Variants in MACROD2 observed in about 807,000 individuals in gnomAD.
The protein encoded by MACROD2 is mono-ADP ribosylhydrolase 2, also known as ADP-ribose glycohydrolase MACROD2.
In MACROD2, 36 loss-of-function variants were observed where a neutral mutation model predicts 70.4. The observed-to-expected ratio is 0.51, with a 90% confidence interval of 0.39 to 0.68. The LOEUF (loss-of-function observed/expected upper bound fraction) is 0.68. MACROD2 is among the 30% of genes least tolerant of loss of function. MACROD2 has a pLI of 0.00. For missense variants in MACROD2, 496 were observed against 538.4 expected, an observed-to-expected ratio of 0.92 and a Z score of 0.78; for synonymous variants, 172 against 178.8, an observed-to-expected ratio of 0.96 and a Z score of 0.30.
chr20:14,433,596 AC>A lies in MACROD2; in HGVS notation c.272-59881del, dbSNP rs201017450. ...TGGTCATTCTTATTTAAACAGTGCA[AC>A]CATCTTCATTTGCTAAGTTTCCTGA... is the stretch of plus-strand genomic sequence containing the variant. On this transcript the variant is annotated intron_variant, in intron 3 of 17. Transcript: ENST00000684519. Among the ~76,000 whole-genome samples, 6 of 152,224 alleles carry A rather than the reference AC, an allele frequency of 3.9e-5. No homozygotes were observed. The East Asian group carries it at 1.2e-3, about 29-fold the overall frequency.
chr20:14,304,922 G>T (rs1225540527), intron 3 of MACROD2, among the ~76,000 whole-genome samples: 1 of 152,078 alleles, frequency 6.6e-6, no homozygotes, highest in Non-Finnish European at 1.5e-5. Flanking sequence ...TTGCGCTTGT[G>T]ATTACCTCTG....
chr20:14,970,376 A>C (rs1315180331), intron 5 of MACROD2, among the ~76,000 whole-genome samples: 1 of 152,186 alleles, frequency 6.6e-6, no homozygotes, highest in Non-Finnish European at 1.5e-5. Flanking sequence ...ATGTTAAGTC[A>C]AAATTAACCT....
intron 2 of MACROD2, among the ~76,000 whole-genome samples, chr20:14,064,234 T>A (rs1428770440): frequency 6.6e-6 from 1 of 152,084 alleles, no homozygotes; most frequent in Non-Finnish European, 1.5e-5. Flanking sequence ...CCTATAAAGG[T>A]TTTTGTTCTC....
At chr20:15,748,837 CG>C (rs2146976752) in intron 8 of MACROD2, among the ~76,000 whole-genome samples, 1 of 152,158 alleles carries the variant, frequency 6.6e-6, no homozygotes, top group South Asian at 2.1e-4. Context: ...TTGACAAACA[CG>C]TATATACTGT....
intron 5 of MACROD2, among the ~76,000 whole-genome samples, chr20:14,708,127 CACATACAATACCTAAAACTTGGT>C (rs1469697736): frequency 6.6e-6 from 1 of 152,194 alleles, no homozygotes; most frequent in African/African-American, 2.4e-5. Context: ...TGATGTGTAA[CACATACAATACCTAAAACTTGGT>C]AAGCACTGTT....
chr20:15,616,468 T>C (rs1390819254), intron 8 of MACROD2, among the ~76,000 whole-genome samples: 1 of 152,138 alleles, frequency 6.6e-6, no homozygotes, highest in Non-Finnish European at 1.5e-5. Flanking sequence ...AGAGTTCCTT[T>C]ACATTTGGGC....
chr20:15,244,334 G>C (rs1053085541), intron 6 of MACROD2, among the ~76,000 whole-genome samples: 1 of 152,132 alleles, frequency 6.6e-6, no homozygotes, highest in Non-Finnish European at 1.5e-5. Context: ...TAGAGAAAAA[G>C]TACACTAGCC....
intron 2 of MACROD2, among the ~76,000 whole-genome samples, chr20:14,080,756 A>G (rs79782486): frequency 0.014 from 2,138 of 152,148 alleles, 45 homozygotes; most frequent in African/African-American, 0.048. Context: ...CATTTTCTCA[A>G]TTATTCTAGT....
At chr20:15,923,410 A>G (rs1046760588) in intron 10 of MACROD2, among the ~76,000 whole-genome samples, 1 of 152,176 alleles carries the variant, frequency 6.6e-6, no homozygotes, top group African/African-American at 2.4e-5. Context: ...GGCCCCCATG[A>G]TTCAATTACC....
chr20:14,131,869 C>T (rs112169608), intron 3 of MACROD2, among the ~76,000 whole-genome samples: 6,287 of 152,048 alleles, frequency 0.041, 180 homozygotes, highest in African/African-American at 0.081. Flanking sequence ...CGGTGGCTCA[C>T]GCTTGTAATC....
At chr20:15,592,827 T>G (rs2048696465) in intron 8 of MACROD2, among the ~76,000 whole-genome samples, 1 of 152,196 alleles carries the variant, frequency 6.6e-6, no homozygotes, top group Admixed American at 6.5e-5. Flanking sequence ...ACATCTAAAG[T>G]GTATTTACAG....
At chr20:14,300,537 T>C (rs1423876820) in intron 3 of MACROD2, among the ~76,000 whole-genome samples, 2 of 152,216 alleles carry the variant, frequency 1.3e-5, no homozygotes, top group Admixed American at 1.3e-4. Flanking sequence ...AGCTTTTCAC[T>C]CATGTCTCAC....
At chr20:14,818,769 A>T (rs1176002356) in intron 5 of MACROD2, among the ~76,000 whole-genome samples, 1 of 150,466 alleles carries the variant, frequency 6.6e-6, no homozygotes, top group East Asian at 1.9e-4. Flanking sequence ...TGGAAGCATA[A>T]TAATTTTTCC....
chr20:15,866,946 C>A (rs2064501926), intron 9 of MACROD2, among the ~76,000 whole-genome samples: 1 of 152,088 alleles, frequency 6.6e-6, no homozygotes, highest in African/African-American at 2.4e-5. Flanking sequence ...GTTTGTCAGG[C>A]CTCTAAAAAC....
At chr20:15,314,168 G>A (rs548579823) in intron 6 of MACROD2, among the ~76,000 whole-genome samples, 1 of 152,108 alleles carries the variant, frequency 6.6e-6, no homozygotes, top group African/African-American at 2.4e-5. Context: ...TCAAGGGCCT[G>A]TTGCTTTTGG....
At chr20:15,768,222 A>G (rs1196814688) in intron 8 of MACROD2, among the ~76,000 whole-genome samples, 2 of 152,100 alleles carry the variant, frequency 1.3e-5, no homozygotes, top group East Asian at 3.9e-4. Flanking sequence ...CAGTTTCATC[A>G]TTGCACAAAC....
chr20:15,424,702 AGAGT>A (rs143418214), intron 6 of MACROD2, among the ~76,000 whole-genome samples: 48,456 of 151,838 alleles, frequency 0.32, 8,063 homozygotes, highest in African/African-American at 0.41. Context: ...CCTGGGCAAC[AGAGT>A]GAGACCCTGT....
At chr20:14,448,411 T>C (rs1447404605) in intron 3 of MACROD2, among the ~76,000 whole-genome samples, 3 of 151,988 alleles carry the variant, frequency 2.0e-5, no homozygotes, top group African/African-American at 7.3e-5. Flanking sequence ...GCGCGGTGAC[T>C]CATGCCTGTA....
chr20:15,369,004 A>G (rs145212547), intron 6 of MACROD2, among the ~76,000 whole-genome samples: 2 of 152,304 alleles, frequency 1.3e-5, no homozygotes, highest in African/African-American at 4.8e-5. Context: ...ATCTTAGTAT[A>G]TGTGAATAGA....
Sources: allele counts gnomAD v4.1 joint callset (sites outside exome capture counted in the v4.1 genomes callset), GRCh38; gene constraint gnomAD v4.1.1; transcripts MANE v1.5; gene names NCBI Gene and HGNC (gene_info 2026-07-23, HGNC 2026-07-21).